The following PRKN variants were observed in gnomAD, a reference collection of about 807,000 sequenced individuals.
PRKN encodes the protein E3 ubiquitin-protein ligase parkin.
In PRKN, 56 loss-of-function variants were observed where a neutral mutation model predicts 59.5. The ratio of observed to expected loss-of-function variants is 0.94; its 90% CI spans 0.76 to 1.18. The LOEUF (loss-of-function observed/expected upper bound fraction) is 1.18, where lower values mean the gene tolerates loss of function less well. Among genes scored for constraint, PRKN ranks in the 50% most tolerant of loss-of-function variants. PRKN has a pLI of 0.00. For synonymous variants in PRKN, 250 were observed against 222.1 expected (o/e 1.13, Z -1.12); for missense variants, 657 against 596.4 (o/e 1.10, Z -1.06).
intron 1 of PRKN, among the ~76,000 whole-genome samples, chr6:162,456,486 TATATC>T (rs1286190538): frequency 1.3e-5 from 2 of 151,994 alleles, no homozygotes; most frequent in Admixed American, 6.6e-5. Context: ...AATTTAAAAA[TATATC>T]ATAAACTTTA....
chr6:161,548,279 C>T lies in PRKN; in HGVS notation c.1083+575G>A, dbSNP rs1284177874. On this transcript the variant is annotated intron_variant, in intron 9 of 11. Coordinates refer to ENST00000366898, the MANE Select transcript of PRKN (RefSeq NM_004562.3). The surrounding 1 kb of genome is among the most constrained non-coding windows in gnomAD (Gnocchi z 4.2). ...GCCATAGATTCATTTGAAAAGCCGG[C>T]CAGGTCACATGGTTTGACCTCTTAG... is the stretch of plus-strand genomic sequence containing the variant. Among the ~76,000 whole-genome samples, 2 of 152,200 alleles carry T rather than the reference C, an allele frequency of 1.3e-5. No individual in the cohort carries two copies. Among genetic ancestry groups the T allele is most frequent in the Admixed American group, 6.5e-5 (1 of 15,290 alleles).
chr6:162,264,341 A>G (rs1274017568), intron 2 of PRKN, among the ~76,000 whole-genome samples: 3 of 152,110 alleles, frequency 2.0e-5, no homozygotes, highest in African/African-American at 7.2e-5. Flanking sequence ...ACCTCTTGCC[A>G]TTGTCATTTT....
rs1473855127 is a variant in PRKN, at chr6:161,526,423, C to T, written c.1083+22431G>A. On this transcript the variant is annotated intron_variant, in intron 9 of 11. Transcript: ENST00000366898. This position sits in a 1 kb window ranked among gnomAD's most constrained non-coding sequence, Gnocchi z 4.1. ...CTACAACAATGGGCAAAAAGTTTCT[C>T]GAATGCACACAAACTAAAATATTAA... 6.6e-6 allele frequency among the ~76,000 whole-genome samples: 1 copy of T among 152,160 alleles called. No homozygotes were observed. The highest frequency in any genetic ancestry group is 1.5e-5 in the Non-Finnish European group (1 of 68,036).
intron 7 of PRKN, among the ~76,000 whole-genome samples, chr6:161,740,192 T>C: frequency 6.6e-6 from 1 of 152,264 alleles, no homozygotes; most frequent in Admixed American, 6.5e-5. Context: ...AAAGATATAC[T>C]TTCCTTTAAG....
intron 7 of PRKN, among the ~76,000 whole-genome samples, chr6:161,779,440 CTT>C (rs10683923): frequency 0.036 from 1,484 of 41,752 alleles, 8 homozygotes; most frequent in African/African-American, 0.1. Flanking sequence ...CTTTTCTTTT[CTT>C]TTTTTTTTTT....
intron 4 of PRKN, among the ~76,000 whole-genome samples, chr6:162,193,079 G>C (rs1395244867): frequency 1.3e-5 from 2 of 152,130 alleles, no homozygotes; most frequent in Non-Finnish European, 2.9e-5. Context: ...CTCTATTAAA[G>C]AAGCAATGAA....
intron 4 of PRKN, among the ~76,000 whole-genome samples, chr6:162,182,966 C>A (rs771079080): frequency 6.6e-5 from 10 of 151,832 alleles, no homozygotes; most frequent in Middle Eastern, 3.4e-3. Flanking sequence ...TTTCTGACAC[C>A]TTTTTTTCTT....
intron 7 of PRKN, among the ~76,000 whole-genome samples, chr6:161,583,001 C>T (rs868211092): frequency 3.0e-5 from 4 of 133,536 alleles, no homozygotes; most frequent in African/African-American, 1.0e-4. Context: ...CACACACACA[C>T]ACACACACAC....
At chr6:162,275,877 T>A (rs1780616140) in intron 2 of PRKN, among the ~76,000 whole-genome samples, 1 of 152,164 alleles carries the variant, frequency 6.6e-6, no homozygotes, top group Admixed American at 6.5e-5. Context: ...TATAGCTAAT[T>A]GGCACATCTT....
chr6:162,546,788 T>C (rs1384388442), intron 1 of PRKN, among the ~76,000 whole-genome samples: 1 of 152,102 alleles, frequency 6.6e-6, no homozygotes, highest in Non-Finnish European at 1.5e-5. Flanking sequence ...TCCTTTCACC[T>C]AACAGAAGCA....
At chr6:162,352,428 C>CAACA (rs549822371) in intron 2 of PRKN, among the ~76,000 whole-genome samples, 5 of 152,284 alleles carry the variant, frequency 3.3e-5, no homozygotes, top group African/African-American at 9.6e-5. Flanking sequence ...CTGCTGAAGA[C>CAACA]TGTTGAGTTC....
Position 162,439,639 on chromosome 6 carries a change from C to T in PRKN, c.171+3671G>A, listed in dbSNP as rs537514762. 4.8e-3 allele frequency among the ~76,000 whole-genome samples: 728 copies of T among 151,966 alleles called. 4 individuals carry two copies. Among genetic ancestry groups the T allele is most frequent in the Non-Finnish European group, 7.9e-3 (535 of 67,988 alleles). ...ATGGGTCCATTTATATGCAGATTTT[C>T]TTCTGCCTCTGCCACCCCTGAGACA... On this transcript the variant is annotated intron_variant, in intron 2 of 11. Coordinates refer to ENST00000366898, the MANE Select transcript of PRKN (RefSeq NM_004562.3).
At chr6:161,863,889 A>G (rs971187594) in intron 6 of PRKN, among the ~76,000 whole-genome samples, 13 of 152,242 alleles carry the variant, frequency 8.5e-5, no homozygotes, top group African/African-American at 2.9e-4. Context: ...TGCCATAGTC[A>G]TATTAAGTGT....
intron 9 of PRKN, among the ~76,000 whole-genome samples, chr6:161,438,435 C>G (rs558330576): frequency 2.0e-5 from 3 of 151,914 alleles, no homozygotes; most frequent in African/African-American, 7.3e-5. Flanking sequence ...CCAAGATGGT[C>G]TCTGTCTCTT....
At chr6:162,703,635 A>C (rs1372999576) in intron 1 of PRKN, among the ~76,000 whole-genome samples, 1 of 152,162 alleles carries the variant, frequency 6.6e-6, no homozygotes, top group Non-Finnish European at 1.5e-5. Context: ...GGAGATTCCT[A>C]AGAAGTAGAT....
rs1284122687 is a variant in PRKN at position 161,445,861 on chromosome 6, T to C, written c.1084-58984A>G. Among the ~76,000 whole-genome samples, 2 of 151,130 alleles carry C rather than the reference T, an allele frequency of 1.3e-5. No homozygotes were observed. The highest frequency in any genetic ancestry group is 2.9e-5 in the Non-Finnish European group (2 of 67,884). The stretch of plus-strand genomic sequence containing the variant: ...TATCGACAGCCTTGCAGGGTGGTGG[T>C]TTCCTTTGCCCGGAGAGTTCAGAGG... On this transcript the variant is annotated intron_variant, in intron 9 of 11. Transcript: ENST00000366898. The surrounding 1 kb of genome is among the most constrained non-coding windows in gnomAD (Gnocchi z 7.7).
At chr6:162,571,970 C>T (rs1187440653) in intron 1 of PRKN, among the ~76,000 whole-genome samples, 2 of 152,050 alleles carry the variant, frequency 1.3e-5, no homozygotes, top group Non-Finnish European at 2.9e-5. Context: ...CACAGAAATG[C>T]TTAGACAAAT....
chr6:161,984,425 T>G (rs1162191639), intron 5 of PRKN, among the ~76,000 whole-genome samples: 2 of 151,980 alleles, frequency 1.3e-5, no homozygotes, highest in African/African-American at 2.4e-5. Flanking sequence ...GCTGGGTTAA[T>G]TTTTGTATTT....
At chr6:162,109,246 A>T (rs967230117) in intron 4 of PRKN, among the ~76,000 whole-genome samples, 3 of 152,154 alleles carry the variant, frequency 2.0e-5, no homozygotes, top group African/African-American at 7.2e-5. Context: ...CCTGAGCCCC[A>T]CCTCCAGAGT....
Sources: allele counts gnomAD v4.1 joint callset (sites outside exome capture counted in the v4.1 genomes callset), GRCh38; gene constraint gnomAD v4.1.1; non-coding constraint Gnocchi (gnomAD v3.1); transcripts MANE v1.5; gene names NCBI Gene and HGNC (gene_info 2026-07-23, HGNC 2026-07-21).